Variants in AGPAT4 observed in about 807,000 individuals in gnomAD.
The protein encoded by AGPAT4 is 1-acyl-sn-glycerol-3-phosphate acyltransferase delta.
Under a neutral mutation model 48.0 loss-of-function variants are expected in AGPAT4, and 15 were observed. The ratio of observed to expected loss-of-function variants is 0.31; its 90% CI spans 0.21 to 0.48. AGPAT4 has a LOEUF of 0.48. Ranked by LOEUF, AGPAT4 falls within the 20% of genes least tolerant of loss-of-function variation. The pLI is 0.99. For missense variants in AGPAT4, 314 were observed against 482.5 expected, an observed-to-expected ratio of 0.65 and a Z score of 3.27; for synonymous variants, 178 against 198.7, an observed-to-expected ratio of 0.90 and a Z score of 0.88.
At chr6:161,145,125 G>A (rs1235003411) in intron 7 of AGPAT4, among the ~76,000 whole-genome samples, 1 of 151,768 alleles carries the variant, frequency 6.6e-6, no homozygotes, top group Non-Finnish European at 1.5e-5. Flanking sequence ...GGGCACATAT[G>A]TGCATCGGTG....
intron 2 of AGPAT4, among the ~76,000 whole-genome samples, chr6:161,170,279 G>A (rs1477140172): frequency 1.3e-5 from 2 of 152,030 alleles, no homozygotes; most frequent in Non-Finnish European, 2.9e-5. Context: ...AGCTGAATAA[G>A]GCCAATGAGA....
chr6:161,160,104 A>ATTTTTTTTTTTTT, intron 3 of AGPAT4: 1 of 74,008 alleles, frequency 1.4e-5, no homozygotes. Flanking sequence ...CACCCAGCTA[A>ATTTTTTTTTTTTT]TTTTTTTTTT....
chr6:161,175,514 T>C (rs1053012951), intron 2 of AGPAT4, among the ~76,000 whole-genome samples: 43 of 152,352 alleles, frequency 2.8e-4, no homozygotes, highest in African/African-American at 9.4e-4. Flanking sequence ...TCATTTTTTA[T>C]TGCGTCTATT....
chr6:161,153,271 G>GCT lies in AGPAT4; in HGVS notation c.664+73_664+74dup, dbSNP rs1012322750. 9 of 1,521,376 alleles carry GCT rather than the reference G, an allele frequency of 5.9e-6. No homozygotes were observed. The African/African-American group carries it at 1.2e-4, about 21-fold the overall frequency. 94.2% of individuals were successfully genotyped at this position (1,521,376 alleles called of 1,614,324 possible). A position where few individuals can be genotyped will look rare whatever the true frequency, so the allele number is the denominator to read the frequency against. On this transcript the variant is annotated intron_variant, in intron 5 of 8. Coordinates refer to ENST00000320285, the MANE Select transcript of AGPAT4 (RefSeq NM_020133.3). ...GCTGGGAAGTGCTGGCAGGAAGCAA[G>GCT]CTCTGCCCATCCGGAGCTGGGGCTT...
At chr6:161,269,782 T>C (rs544817338) in intron 1 of AGPAT4, among the ~76,000 whole-genome samples, 2 of 152,336 alleles carry the variant, frequency 1.3e-5, no homozygotes, top group African/African-American at 4.8e-5. Flanking sequence ...TGAGACATGA[T>C]ACTCAACACT....
intron 2 of AGPAT4, among the ~76,000 whole-genome samples, chr6:161,224,625 A>G (rs2115030106): frequency 7.0e-6 from 1 of 142,852 alleles, no homozygotes; most frequent in East Asian, 2.0e-4. Context: ...TGGGTGACAG[A>G]GCAAGACTCC....
chr6:161,178,379 G>T lies in AGPAT4; in HGVS notation c.179-11962C>A, dbSNP rs1237652822. ...TCGCTGCCGCCTTGCAGTTCGATCA[G>T]ACTTCTGTGCTAGCAATGAGCAAGG... is the stretch of plus-strand genomic sequence containing the variant. On this transcript the variant is annotated intron_variant, in intron 2 of 8. Coordinates refer to ENST00000320285, the MANE Select transcript of AGPAT4 (RefSeq NM_020133.3). This position sits in a 1 kb window ranked among gnomAD's most constrained non-coding sequence, Gnocchi z 5.1. 2.0e-5 allele frequency among the ~76,000 whole-genome samples: 3 copies of T among 152,220 alleles called. No homozygotes were observed. The highest frequency in any genetic ancestry group is 4.4e-5 in the Non-Finnish European group (3 of 68,038).
chr6:161,188,298 T>G (rs867217156), intron 2 of AGPAT4, among the ~76,000 whole-genome samples: 92 of 152,338 alleles, frequency 6.0e-4, no homozygotes, highest in African/African-American at 2.0e-3. Flanking sequence ...GTCTCTCTTC[T>G]AGTAGAAAAC....
At chr6:161,230,652 T>TG (rs1378039062) in intron 2 of AGPAT4, among the ~76,000 whole-genome samples, 1 of 152,202 alleles carries the variant, frequency 6.6e-6, no homozygotes, top group African/African-American at 2.4e-5. Flanking sequence ...GGTACATACT[T>TG]GGAGACCAAT....
At position 161,216,123 on chromosome 6, in the gene AGPAT4, T is replaced by A. The variant is rs1781640578; in HGVS notation, c.178+15913A>T. On this transcript the variant is annotated intron_variant, in intron 2 of 8. Transcript: ENST00000320285. The surrounding 1 kb of genome is among the most constrained non-coding windows in gnomAD (Gnocchi z 4.8). ...CCAAGAGCACTTTTCCCTCCTGCCT[T>A]GACAAGGCTTCTTCATAGTCTGACA... 6.6e-6 allele frequency among the ~76,000 whole-genome samples: 1 copy of A among 152,220 alleles called. No individual in the cohort carries two copies. Among genetic ancestry groups the A allele is most frequent in the Non-Finnish European group, 1.5e-5 (1 of 68,036 alleles).
At position 161,144,769 on chromosome 6, in the gene AGPAT4, G is replaced by A. The variant is rs991810080; in HGVS notation, c.843+1755C>T. Among the ~76,000 whole-genome samples the A allele has an allele frequency of 6.6e-6, 1 of 152,112 alleles. No homozygotes were observed. Among genetic ancestry groups the A allele is most frequent in the African/African-American group, 2.4e-5 (1 of 41,414 alleles). ...CGAGGAGGGCAGATCACAAGACCTT[G>A]TGAGATCGAGACCATCCTGGCAAAC... is the stretch of plus-strand genomic sequence containing the variant. On this transcript the variant is annotated intron_variant, in intron 7 of 8. Transcript: ENST00000320285. This position sits in a 1 kb window ranked among gnomAD's most constrained non-coding sequence, Gnocchi z 6.6.
At chr6:161,239,514 T>C (rs1562352635) in intron 1 of AGPAT4, among the ~76,000 whole-genome samples, 1 of 152,224 alleles carries the variant, frequency 6.6e-6, no homozygotes, top group Non-Finnish European at 1.5e-5. Flanking sequence ...TAGATTCACA[T>C]TGCAGCACTC....
At chr6:161,268,821 G>A (rs905382994) in intron 1 of AGPAT4, among the ~76,000 whole-genome samples, 3 of 151,962 alleles carry the variant, frequency 2.0e-5, no homozygotes, top group Non-Finnish European at 4.4e-5. Context: ...TTAAGTGGGG[G>A]AAAATAATTC....
intron 2 of AGPAT4, among the ~76,000 whole-genome samples, chr6:161,181,721 C>T (rs1456763336): frequency 6.6e-6 from 1 of 152,168 alleles, no homozygotes; most frequent in African/African-American, 2.4e-5. Flanking sequence ...TGTGCCTGCC[C>T]CATCCCAGAA....
rs1468933292 is a variant in AGPAT4, at chr6:161,251,609, C to G, written c.-89-19307G>C. 6.6e-6 allele frequency among the ~76,000 whole-genome samples: 1 copy of G among 152,178 alleles called. No individual in the cohort carries two copies. The highest frequency in any genetic ancestry group is 1.5e-5 in the Non-Finnish European group (1 of 68,048). On this transcript the variant is annotated intron_variant, in intron 1 of 8. Coordinates refer to ENST00000320285, the MANE Select transcript of AGPAT4 (RefSeq NM_020133.3). The surrounding 1 kb of genome is among the most constrained non-coding windows in gnomAD (Gnocchi z 4.6). ...AGCCTGTCCGGCCGCTGGTTAAAGA[C>G]CCGCAGGGAGGATGGAAGCTGCGCC...
intron 5 of AGPAT4, among the ~76,000 whole-genome samples, chr6:161,150,513 G>T (rs1202822572): frequency 6.6e-6 from 1 of 152,234 alleles, no homozygotes; most frequent in Non-Finnish European, 1.5e-5. Context: ...AAGGCCCTTG[G>T]TCTGGTTGGG....
At position 161,155,045 on chromosome 6, in the gene AGPAT4, A is replaced by T. The variant is rs1298792363; in HGVS notation, c.349-735T>A. ...CACACCCGCTGCCAGCATGTCCTTG[A>T]GGCTGAGACGGGGCAGAAGCACCTG... On this transcript the variant is annotated intron_variant, in intron 3 of 8. Transcript: ENST00000320285. The surrounding 1 kb of genome is among the most constrained non-coding windows in gnomAD (Gnocchi z 5.8). 6.6e-6 allele frequency among the ~76,000 whole-genome samples: 1 copy of T among 152,180 alleles called. No individual in the cohort carries two copies. The highest frequency in any genetic ancestry group is 1.5e-5 in the Non-Finnish European group (1 of 68,028).
chr6:161,153,834 T>TGGGGTCACACAC (rs1779672553), intron 4 of AGPAT4, among the ~76,000 whole-genome samples: 2 of 92,034 alleles, frequency 2.2e-5, no homozygotes, highest in Non-Finnish European at 2.4e-5. Flanking sequence ...GGGTCACACA[T>TGGGGTCACACAC]AGCCCCAGGG....
At position 161,226,052 on chromosome 6, in the gene AGPAT4, AG is replaced by A. The variant is rs1206426420; in HGVS notation, c.178+5983del. On this transcript the variant is annotated intron_variant, in intron 2 of 8. Transcript: ENST00000320285. The surrounding 1 kb of genome is among the most constrained non-coding windows in gnomAD (Gnocchi z 6.3). ...CCGGTTACTGAACCCTCTTCTGGGAAGGCGATCACCATCTGGGAACTGATAA... is the reference window on the plus strand; with the variant it reads ...CCGGTTACTGAACCCTCTTCTGGGAAGCGATCACCATCTGGGAACTGATAA... Among the ~76,000 whole-genome samples the A allele has an allele frequency of 6.6e-6, 1 of 152,168 alleles. No individual in the cohort carries two copies. Among genetic ancestry groups the A allele is most frequent in the Admixed American group, 6.5e-5 (1 of 15,284 alleles).
Sources: allele counts gnomAD v4.1 joint callset (sites outside exome capture counted in the v4.1 genomes callset), GRCh38; gene constraint gnomAD v4.1.1; non-coding constraint Gnocchi (gnomAD v3.1); transcripts MANE v1.5; gene names NCBI Gene and HGNC (gene_info 2026-07-23, HGNC 2026-07-21).